The following MTSS1 variants were observed in gnomAD, a reference collection of about 807,000 sequenced individuals.
MTSS1 encodes protein MTSS 1.
A neutral mutation model predicts 79.0 loss-of-function variants in MTSS1; 18 were observed. The observed-to-expected ratio is 0.23, with a 90% CI of 0.16 to 0.34. The LOEUF is 0.34. Ranked by LOEUF, MTSS1 falls within the 10% of genes least tolerant of loss-of-function variation. MTSS1 has a pLI of 1.00. For missense variants in MTSS1, 815 were observed against 986.2 expected (o/e 0.83, Z 2.33); for synonymous variants, 341 against 368.6 (o/e 0.93, Z 0.86).
chr8:124,642,328 AC>A (rs1818208063), intron 3 of MTSS1, among the ~76,000 whole-genome samples: 1 of 152,174 alleles, frequency 6.6e-6, no homozygotes, highest in African/African-American at 2.4e-5. Context: ...AGGATGACAC[AC>A]CCAAAGACTA....
chr8:124,565,558 G>T, intron 9 of MTSS1, 104 bp downstream of exon 9: 1 of 935,286 alleles, frequency 1.1e-6, no homozygotes, highest in South Asian at 1.7e-5. Context: ...TTTCCTGTTT[G>T]AGAATGAGCC....
At chr8:124,555,615 C>T (rs539823305) in intron 13 of MTSS1, 127 bp downstream of exon 13, 48 of 1,207,678 alleles carry the variant, frequency 4.0e-5, no homozygotes, top group Admixed American at 3.8e-4. Flanking sequence ...TCCCAGATGA[C>T]GAAAACAATC....
chr8:124,697,372 T>A (rs1449462354), intron 3 of MTSS1, among the ~76,000 whole-genome samples: 1 of 151,710 alleles, frequency 6.6e-6, no homozygotes, highest in Non-Finnish European at 1.5e-5. Context: ...CTAGCCTGGC[T>A]AACATGGTGA....
At position 124,556,090 on chromosome 8, in the gene MTSS1, T is replaced by A. The variant is rs372983581; in HGVS notation, c.1404+142A>T. On this transcript the variant is annotated intron_variant, in intron 12 of 13. Coordinates refer to ENST00000518547, the MANE Select transcript of MTSS1 (RefSeq NM_014751.6). ...ACACAAGGTTTTTTTCCCAGGGACTTTGCTGTAGAGCAGGAAGTCAGGGAA... is the reference window on the plus strand; with the variant it reads ...ACACAAGGTTTTTTTCCCAGGGACTATGCTGTAGAGCAGGAAGTCAGGGAA... 3 of 1,549,358 alleles carry A rather than the reference T, an allele frequency of 1.9e-6. No individual in the cohort carries two copies. In the South Asian group the frequency reaches 3.6e-5, roughly 18 times the overall value.
At chr8:124,565,838 G>A in intron 8 of MTSS1, 79 bp from the exon 9 acceptor site, 3 of 1,182,760 alleles carry the variant, frequency 2.5e-6, no homozygotes, top group Admixed American at 2.2e-5. Context: ...ATCCACCAAA[G>A]CATCAAAACG....
intron 6 of MTSS1, among the ~76,000 whole-genome samples, chr8:124,573,654 C>G (rs112028500): frequency 0.019 from 2,823 of 152,362 alleles, 80 homozygotes; most frequent in African/African-American, 0.063. Context: ...TGGCCTAATA[C>G]TTCAGAACCA....
At chr8:124,602,634 A>G (rs751165345) in intron 3 of MTSS1, among the ~76,000 whole-genome samples, 3 of 152,180 alleles carry the variant, frequency 2.0e-5, no homozygotes, top group African/African-American at 4.8e-5. Flanking sequence ...TAGGTGGACA[A>G]CTATAACCCA....
intron 7 of MTSS1, 119 bp from the exon 8 acceptor site, chr8:124,567,297 G>GT (rs1826703400): frequency 1.1e-5 from 9 of 828,114 alleles, no homozygotes; most frequent in Non-Finnish European, 1.5e-5. Context: ...AAAAGGCACT[G>GT]TTGGGACTGG....
intron 3 of MTSS1, among the ~76,000 whole-genome samples, chr8:124,672,742 C>A (rs1489074108): frequency 1.3e-5 from 2 of 152,052 alleles, no homozygotes; most frequent in Non-Finnish European, 2.9e-5. Flanking sequence ...CCAGGAAAGG[C>A]AAGGCTGCAG....
intron 3 of MTSS1, among the ~76,000 whole-genome samples, chr8:124,652,097 G>A (rs1027532059): frequency 1.2e-4 from 19 of 152,144 alleles, no homozygotes; most frequent in Admixed American, 1.1e-3. Context: ...TCCCTGTTTA[G>A]TAAGAATCAT....
intron 3 of MTSS1, among the ~76,000 whole-genome samples, chr8:124,662,476 C>G (rs1015648596): frequency 6.6e-6 from 1 of 152,190 alleles, no homozygotes; most frequent in African/African-American, 2.4e-5. Flanking sequence ...GCTTTTCCAT[C>G]TAACACAGTG....
chr8:124,687,912 C>T (rs1827244409), intron 3 of MTSS1, among the ~76,000 whole-genome samples: 1 of 152,148 alleles, frequency 6.6e-6, no homozygotes, highest in South Asian at 2.1e-4. Context: ...CAGCTTTGCC[C>T]CCTTTCCTGA....
intron 3 of MTSS1, among the ~76,000 whole-genome samples, chr8:124,641,517 G>T (rs1439092834): frequency 1.3e-5 from 2 of 152,156 alleles, no homozygotes. Flanking sequence ...AAAGTGCCCA[G>T]CCCAGGCCTT....
chr8:124,563,647 C>T (rs941173603), intron 9 of MTSS1, among the ~76,000 whole-genome samples: 1 of 152,166 alleles, frequency 6.6e-6, no homozygotes, highest in Non-Finnish European at 1.5e-5. Flanking sequence ...TACTCTGACC[C>T]CAGCTGTTTC....
chr8:124,704,741 G>A (rs923438076), intron 1 of MTSS1, among the ~76,000 whole-genome samples: 2 of 152,246 alleles, frequency 1.3e-5, no homozygotes, highest in East Asian at 1.9e-4. Context: ...AACACACTTC[G>A]GCTAACAGGG....
At chr8:124,645,881 G>A (rs1337916749) in intron 3 of MTSS1, among the ~76,000 whole-genome samples, 1 of 151,946 alleles carries the variant, frequency 6.6e-6, no homozygotes, top group East Asian at 1.9e-4. Context: ...GCTCTTTCAG[G>A]GCACGAAGGT....
chr8:124,577,601 G>T (rs566130122), intron 6 of MTSS1: 1 of 518,936 alleles, frequency 1.9e-6, no homozygotes, highest in South Asian at 1.4e-5. Flanking sequence ...GCTTTCTGAT[G>T]GTCACAATAG....
chr8:124,707,241 A>G (rs1013196191), intron 1 of MTSS1, among the ~76,000 whole-genome samples: 6 of 152,090 alleles, frequency 3.9e-5, no homozygotes, highest in African/African-American at 1.4e-4. Context: ...TAAGACGATC[A>G]AAGTATTTCT....
chr8:124,617,015 CATAAGTGGTAA>C (rs1836999725), intron 3 of MTSS1, among the ~76,000 whole-genome samples: 1 of 86,540 alleles, frequency 1.2e-5, no homozygotes, highest in Non-Finnish European at 2.1e-5. Context: ...ATTAGGATTA[CATAAGTGGTAA>C]ACCAACAGAT....
Sources: allele counts gnomAD v4.1 joint callset (sites outside exome capture counted in the v4.1 genomes callset), GRCh38; gene constraint gnomAD v4.1.1; transcripts MANE v1.5; gene names NCBI Gene and HGNC (gene_info 2026-07-23, HGNC 2026-07-21).